Variants in GRIK1 observed in about 807,000 individuals in gnomAD.
The protein encoded by GRIK1 is glutamate receptor ionotropic, kainate 1.
GRIK1 carries 69 observed loss-of-function variants against 105.7 expected under a neutral mutation model. That is an observed-to-expected ratio of 0.65 (90% CI 0.54 to 0.80). The LOEUF (loss-of-function observed/expected upper bound fraction) is 0.80. Among genes scored for constraint, GRIK1 ranks in the 30% least tolerant of loss-of-function variants. GRIK1 has a pLI of 0.00. For synonymous variants in GRIK1, 438 were observed against 431.3 expected (o/e 1.02, Z -0.19); for missense variants, 1,109 against 1,167.3 (o/e 0.95, Z 0.73).
intron 1 of GRIK1, among the ~76,000 whole-genome samples, chr21:29,796,447 AATTTT>A (rs1353146483): frequency 6.6e-6 from 1 of 152,088 alleles, no homozygotes; most frequent in Non-Finnish European, 1.5e-5. Context: ...GAGATTATAT[AATTTT>A]AATTACAGAA....
intron 1 of GRIK1, among the ~76,000 whole-genome samples, chr21:29,820,895 C>A (rs1351845616): frequency 6.6e-6 from 1 of 151,862 alleles, no homozygotes. Flanking sequence ...AACTAGTAAG[C>A]AATGTGCCAG....
At chr21:29,613,706 A>C (rs752516563) in intron 7 of GRIK1, among the ~76,000 whole-genome samples, 1 of 152,234 alleles carries the variant, frequency 6.6e-6, no homozygotes, top group African/African-American at 2.4e-5. Context: ...AGTATGGCCA[A>C]TGTAGTTTTT....
At chr21:29,813,939 A>T (rs1299436590) in intron 1 of GRIK1, among the ~76,000 whole-genome samples, 4 of 139,440 alleles carry the variant, frequency 2.9e-5, no homozygotes, top group Non-Finnish European at 6.2e-5. Context: ...TTTGAGATGG[A>T]ATTTCACTCT....
At chr21:29,872,695 C>T (rs961403713) in intron 1 of GRIK1, among the ~76,000 whole-genome samples, 6 of 152,170 alleles carry the variant, frequency 3.9e-5, no homozygotes, top group African/African-American at 7.2e-5. Flanking sequence ...GTGAAAGGCA[C>T]GGTCTTATAT....
chr21:29,697,947 T>TTTC (rs2063739821), intron 1 of GRIK1, among the ~76,000 whole-genome samples: 2 of 134,734 alleles, frequency 1.5e-5, no homozygotes, highest in East Asian at 2.2e-4. Context: ...TCTTTCTTTC[T>TTTC]TTTTTCTTTC....
At chr21:29,795,501 C>T (rs1228654109) in intron 1 of GRIK1, among the ~76,000 whole-genome samples, 1 of 152,118 alleles carries the variant, frequency 6.6e-6, no homozygotes, top group East Asian at 1.9e-4. Flanking sequence ...CCTGTGATAT[C>T]TTCATCAAGT....
intron 3 of GRIK1, among the ~76,000 whole-genome samples, chr21:29,687,284 T>G (rs1382305116): frequency 6.6e-6 from 1 of 152,138 alleles, no homozygotes; most frequent in Non-Finnish European, 1.5e-5. Context: ...TTAATTCTGG[T>G]GTAGGGGCGG....
At chr21:29,922,459 A>T (rs2146329226) in intron 1 of GRIK1, among the ~76,000 whole-genome samples, 1 of 152,260 alleles carries the variant, frequency 6.6e-6, no homozygotes, top group East Asian at 1.9e-4. Flanking sequence ...CATAGCCTTT[A>T]ATAATTAAAT....
intron 1 of GRIK1, among the ~76,000 whole-genome samples, chr21:29,848,779 A>ATATATATATATATATATTTTTTTT: frequency 2.6e-5 from 2 of 77,880 alleles, no homozygotes; most frequent in African/African-American, 1.2e-4. Flanking sequence ...ATATATATAT[A>ATATATATATATATATATTTTTTTT]TTTTTTTTTT....
intron 6 of GRIK1, among the ~76,000 whole-genome samples, chr21:29,644,967 C>T (rs1452163923): frequency 6.6e-6 from 1 of 152,104 alleles, no homozygotes; most frequent in African/African-American, 2.4e-5. Flanking sequence ...GGGGGACAGG[C>T]AATATTCAAA....
Position 29,591,199 on chromosome 21 carries a change from C to G in GRIK1, c.1278G>C (p.Gly426=), listed in dbSNP as rs1257345773. Residue 426 remains glycine, a synonymous_variant, in exon 10 of 18, where the codon GGG becomes GGC. Transcript: ENST00000327783. The part of the protein sequence containing the change: ...KKIGIWNSNS[G]LNMTDSNKDK... ...CTTTGTTGCTGTCCGTCATGTTAAG[C>G]CCACTGTTGGAATTCCAAATCCCAA... is the stretch of plus-strand genomic sequence containing the variant. 4 of 1,605,794 alleles carry G rather than the reference C, an allele frequency of 2.5e-6. No homozygotes were observed. Among genetic ancestry groups the G allele is most frequent in the Non-Finnish European group, 3.4e-6 (4 of 1,173,994 alleles).
chr21:29,684,299 A>G (rs1435806368), intron 3 of GRIK1, among the ~76,000 whole-genome samples: 1 of 147,428 alleles, frequency 6.8e-6, no homozygotes, highest in East Asian at 2.0e-4. Context: ...TCTATCTATC[A>G]TCTATCTACC....
At chr21:29,609,590 A>C (rs1410373035) in intron 7 of GRIK1, among the ~76,000 whole-genome samples, 1 of 152,190 alleles carries the variant, frequency 6.6e-6, no homozygotes, top group African/African-American at 2.4e-5. Flanking sequence ...ATCCAGTCCA[A>C]TCTGTTGAGG....
At chr21:29,560,400 C>CCTTCCTTCCTTCCTTTCTTTCTTTCTTT (rs1491373479) in intron 15 of GRIK1, among the ~76,000 whole-genome samples, 2 of 67,122 alleles carry the variant, frequency 3.0e-5, no homozygotes, top group East Asian at 4.3e-4. Context: ...TTCCTTCCTT[C>CCTTCCTTCCTTCCTTTCTTTCTTTCTTT]CTTTCTTTCT....
intron 1 of GRIK1, among the ~76,000 whole-genome samples, chr21:29,803,020 C>G (rs2066755716): frequency 6.6e-6 from 1 of 152,026 alleles, no homozygotes; most frequent in African/African-American, 2.4e-5. Flanking sequence ...CTCAAGCAGA[C>G]AGTGAAATTT....
chr21:29,852,672 A>G (rs1350277081), intron 1 of GRIK1, among the ~76,000 whole-genome samples: 1 of 152,230 alleles, frequency 6.6e-6, no homozygotes, highest in East Asian at 1.9e-4. Flanking sequence ...TACATTTATC[A>G]AAATGTTTTT....
At chr21:29,778,459 G>C (rs778685082) in intron 1 of GRIK1, among the ~76,000 whole-genome samples, 1 of 152,176 alleles carries the variant, frequency 6.6e-6, no homozygotes, top group African/African-American at 2.4e-5. Flanking sequence ...TTATTGTTTC[G>C]TGTGTATGCT....
chr21:29,788,024 C>A (rs567328677), intron 1 of GRIK1, among the ~76,000 whole-genome samples: 1 of 152,222 alleles, frequency 6.6e-6, no homozygotes, highest in South Asian at 2.1e-4. Context: ...TTCATTTGTT[C>A]ATTTATGTAA....
intron 1 of GRIK1, among the ~76,000 whole-genome samples, chr21:29,906,727 A>G (rs2070654377): frequency 6.6e-6 from 1 of 152,158 alleles, no homozygotes; most frequent in African/African-American, 2.4e-5. Context: ...TTATCTTTTC[A>G]AAATTTATTT....
Sources: allele counts gnomAD v4.1 joint callset (sites outside exome capture counted in the v4.1 genomes callset), GRCh38; gene constraint gnomAD v4.1.1; transcripts MANE v1.5; gene names NCBI Gene and HGNC (gene_info 2026-07-23, HGNC 2026-07-21).